PRR5L: variants seen among roughly 807,000 people sequenced by gnomAD.
The protein encoded by PRR5L is proline rich 5 like.
In PRR5L, 21 loss-of-function variants were observed where a neutral mutation model predicts 36.4. The observed-to-expected ratio is 0.58, with a 90% confidence interval of 0.41 to 0.83. The LOEUF (loss-of-function observed/expected upper bound fraction) is 0.83, where lower values mean the gene tolerates loss of function less well. PRR5L is among the 40% of genes least tolerant of loss of function. The pLI is 0.00. For synonymous variants in PRR5L, 188 were observed against 197.0 expected (o/e 0.95, Z 0.38); for missense variants, 381 against 473.3 (o/e 0.80, Z 1.81).
intron 3 of PRR5L, among the ~76,000 whole-genome samples, chr11:36,410,288 G>T (rs1857996851): frequency 6.6e-6 from 1 of 152,174 alleles, no homozygotes; most frequent in African/African-American, 2.4e-5. Flanking sequence ...GGTCAGATCT[G>T]GGCACTGGAC....
At chr11:36,359,521 ATGTT>A (rs1335746374) in intron 1 of PRR5L, among the ~76,000 whole-genome samples, 12 of 152,196 alleles carry the variant, frequency 7.9e-5, no homozygotes, top group Admixed American at 7.9e-4. Flanking sequence ...GAAGACACAA[ATGTT>A]TGTGATCAAA....
chr11:36,424,106 A>G (rs894631002), intron 4 of PRR5L, among the ~76,000 whole-genome samples: 1 of 152,236 alleles, frequency 6.6e-6, no homozygotes, highest in Non-Finnish European at 1.5e-5. Flanking sequence ...GGATCTTGAC[A>G]TTGATGACCA....
chr11:36,373,141 T>G (rs1216658796), intron 1 of PRR5L, among the ~76,000 whole-genome samples: 1 of 152,138 alleles, frequency 6.6e-6, no homozygotes, highest in African/African-American at 2.4e-5. Context: ...GCCTCAGGGA[T>G]AGCTACTCTT....
At chr11:36,301,596 G>GGGCAT (rs1565371804) in intron 1 of PRR5L, among the ~76,000 whole-genome samples, 1 of 151,978 alleles carries the variant, frequency 6.6e-6, no homozygotes, top group Non-Finnish European at 1.5e-5. Flanking sequence ...TGGAGGAAGT[G>GGGCAT]GGGCATGGGG....
chr11:36,443,511 T>A (rs1299407044), intron 6 of PRR5L, among the ~76,000 whole-genome samples: 3 of 152,222 alleles, frequency 2.0e-5, no homozygotes, highest in Non-Finnish European at 4.4e-5. Flanking sequence ...AAGATAACTT[T>A]GCTTCTCTGA....
chr11:36,433,089 T>C (rs114481684), intron 5 of PRR5L, among the ~76,000 whole-genome samples: 1 of 151,918 alleles, frequency 6.6e-6, no homozygotes, highest in Non-Finnish European at 1.5e-5. Flanking sequence ...GAAAAAAAAA[T>C]TTAAATTGTG....
At chr11:36,451,973 TG>T (rs1326653749) in intron 8 of PRR5L, among the ~76,000 whole-genome samples, 1 of 151,536 alleles carries the variant, frequency 6.6e-6, no homozygotes, top group Non-Finnish European at 1.5e-5. Flanking sequence ...CTTCTCTCAG[TG>T]ACACTGCAGT....
intron 1 of PRR5L, among the ~76,000 whole-genome samples, chr11:36,370,837 C>T (rs11033576): frequency 0.35 from 48,748 of 140,722 alleles, 8,329 homozygotes; most frequent in East Asian, 0.55. Flanking sequence ...GGCAAGATCA[C>T]GCCACTGCAC....
chr11:36,441,805 C>T (rs190250189), intron 6 of PRR5L, among the ~76,000 whole-genome samples: 12 of 152,318 alleles, frequency 7.9e-5, no homozygotes, highest in Admixed American at 2.6e-4. Flanking sequence ...GCCTCCTTCT[C>T]TTGTACTCTG....
intron 4 of PRR5L, among the ~76,000 whole-genome samples, chr11:36,420,805 C>T (rs1219818883): frequency 6.7e-6 from 1 of 150,224 alleles, no homozygotes; most frequent in Non-Finnish European, 1.5e-5. Context: ...TTTATGTGCA[C>T]TTTAAAAGAA....
chr11:36,320,013 C>G (rs1430291085), intron 1 of PRR5L, among the ~76,000 whole-genome samples: 1 of 152,126 alleles, frequency 6.6e-6, no homozygotes, highest in Non-Finnish European at 1.5e-5. Flanking sequence ...GAGGCTGGAT[C>G]TACTCCATTA....
chr11:36,346,694 G>T (rs938677994), intron 1 of PRR5L, among the ~76,000 whole-genome samples: 1 of 152,138 alleles, frequency 6.6e-6, no homozygotes, highest in Non-Finnish European at 1.5e-5. Flanking sequence ...AAACTGTGGA[G>T]CATTCATATT....
intron 1 of PRR5L, among the ~76,000 whole-genome samples, chr11:36,350,922 ATATATATT>A (rs1446887862): frequency 2.4e-5 from 1 of 41,984 alleles, no homozygotes; most frequent in Non-Finnish European, 4.6e-5. Context: ...ATATATATTT[ATATATATT>A]TATATATTTA....
chr11:36,333,334 T>C (rs914810302), intron 1 of PRR5L, among the ~76,000 whole-genome samples: 4 of 152,314 alleles, frequency 2.6e-5, no homozygotes, highest in East Asian at 1.9e-4. Flanking sequence ...GTTTCCCATA[T>C]TGCTAAACAT....
intron 1 of PRR5L, among the ~76,000 whole-genome samples, chr11:36,304,778 A>C (rs1450301447): frequency 6.6e-6 from 1 of 152,208 alleles, no homozygotes; most frequent in Non-Finnish European, 1.5e-5. Context: ...AAGTCATGGT[A>C]ATAATCTCCC....
At position 36,391,558 on chromosome 11, in the gene PRR5L, C is replaced by G. The variant is rs533378240; in HGVS notation, c.-125-9439C>G. Reference sequence around the variant, plus strand: ...TAACTGAAGTTAACCCTTTCAGCACCAAAACTTTTAAGTTGCTTTTGAAGG... The same window carrying G: ...TAACTGAAGTTAACCCTTTCAGCACGAAAACTTTTAAGTTGCTTTTGAAGG... On this transcript the variant is annotated intron_variant, in intron 1 of 8. Transcript: ENST00000530639. Among the ~76,000 whole-genome samples the G allele has an allele frequency of 4.8e-3, 558 of 115,772 alleles. 6 individuals carry two copies. Among genetic ancestry groups the G allele is most frequent in the Non-Finnish European group, 6.9e-3 (334 of 48,412 alleles). 76.0% of individuals were successfully genotyped at this position (115,772 alleles called of 152,430 possible). A position where few individuals can be genotyped will look rare whatever the true frequency, so the allele number is the denominator to read the frequency against.
rs150695913 is a variant in PRR5L at position 36,401,162 on chromosome 11, A to C, written c.41A>C (p.His14Pro). The C allele has an allele frequency of 6.2e-7, 1 of 1,614,008 alleles. No homozygotes were observed. The highest frequency in any genetic ancestry group is 1.3e-5 in the African/African-American group (1 of 74,922). Residue 14 changes from histidine to proline, a missense_variant, in exon 2 of 9, where the codon CAC becomes CCC. Coordinates refer to ENST00000530639, the MANE Select transcript of PRR5L (RefSeq NM_001160167.2). ...GCTCCCATTCTGCCCGTCGAGTTCC[A>C]CAAGATGGGCTCCTTCCGCAGGCCT... ...GFAPILPVEF[H>P]KMGSFRRPRP...
intron 1 of PRR5L, among the ~76,000 whole-genome samples, chr11:36,320,880 C>T (rs1159945733): frequency 6.6e-6 from 1 of 152,136 alleles, no homozygotes; most frequent in African/African-American, 2.4e-5. Context: ...ATATAATATG[C>T]TTAGTACATG....
chr11:36,444,233 G>A lies in PRR5L; in HGVS notation c.445-2067G>A, dbSNP rs116113994. Among the ~76,000 whole-genome samples the A allele has an allele frequency of 7.4e-3, 1,129 of 152,282 alleles. 10 individuals are homozygous for A. Among genetic ancestry groups the A allele is most frequent in the African/African-American group, 0.025 (1,046 of 41,560 alleles). Reference sequence around the variant, plus strand: ...TCAATATGTGCTGGTATGAAAAGATGTCCAAAATATACAAAGTGAAACAAA... The same window carrying A: ...TCAATATGTGCTGGTATGAAAAGATATCCAAAATATACAAAGTGAAACAAA... On this transcript the variant is annotated intron_variant, in intron 6 of 8. Transcript: ENST00000530639.
Sources: allele counts gnomAD v4.1 joint callset (sites outside exome capture counted in the v4.1 genomes callset), GRCh38; gene constraint gnomAD v4.1.1; transcripts MANE v1.5; gene names NCBI Gene and HGNC (gene_info 2026-07-23, HGNC 2026-07-21).